Variants in XPR1 observed in about 807,000 individuals in gnomAD.
XPR1 encodes the protein solute carrier family 53 member 1.
Under a neutral mutation model 87.5 loss-of-function variants are expected in XPR1, and 28 were observed. The observed-to-expected ratio is 0.32, with a 90% CI of 0.24 to 0.44. XPR1 has a LOEUF of 0.44. Ranked by LOEUF, XPR1 falls within the 20% of genes least tolerant of loss-of-function variation. XPR1 has a pLI of 1.00. For synonymous variants in XPR1, 300 were observed against 306.1 expected, an observed-to-expected ratio of 0.98 and a Z score of 0.21; for missense variants, 559 against 862.3, an observed-to-expected ratio of 0.65 and a Z score of 4.41.
intron 2 of XPR1, among the ~76,000 whole-genome samples, chr1:180,686,774 A>T (rs549081016): frequency 6.6e-6 from 1 of 152,204 alleles, no homozygotes. Flanking sequence ...TCTTATGACA[A>T]AAGTTAATGA....
chr1:180,691,589 TTTC>T (rs745675722), intron 2 of XPR1, among the ~76,000 whole-genome samples: 3 of 152,150 alleles, frequency 2.0e-5, no homozygotes, highest in Non-Finnish European at 4.4e-5. Flanking sequence ...TTTTCTGCCA[TTTC>T]TTCTTTAGTC....
chr1:180,748,221 T>C (rs991062279), intron 2 of XPR1, among the ~76,000 whole-genome samples: 2 of 152,120 alleles, frequency 1.3e-5, no homozygotes, highest in East Asian at 3.9e-4. Flanking sequence ...AGCTGGCTTA[T>C]ACCAGCTCAC....
At chr1:180,645,653 G>A (rs1428440694) in intron 1 of XPR1, among the ~76,000 whole-genome samples, 1 of 152,246 alleles carries the variant, frequency 6.6e-6, no homozygotes, top group Admixed American at 6.5e-5. Context: ...CTCACTAAGA[G>A]AAGATGTGTG....
chr1:180,665,038 T>A (rs112642344), intron 1 of XPR1, among the ~76,000 whole-genome samples: 1 of 152,212 alleles, frequency 6.6e-6, no homozygotes. Context: ...CACACTGTTA[T>A]GAAGAAATAT....
chr1:180,848,730 G>A (rs1440466703), intron 11 of XPR1, among the ~76,000 whole-genome samples: 1 of 152,116 alleles, frequency 6.6e-6, no homozygotes, highest in Non-Finnish European at 1.5e-5. Flanking sequence ...GCAGCTTTCT[G>A]AGGAACCTCC....
At chr1:180,675,855 T>G (rs1656352859) in intron 1 of XPR1, among the ~76,000 whole-genome samples, 1 of 152,148 alleles carries the variant, frequency 6.6e-6, no homozygotes, top group African/African-American at 2.4e-5. Flanking sequence ...CTCCCTTGTT[T>G]CTGATTGAGG....
chr1:180,722,125 A>G (rs946310168), intron 2 of XPR1, among the ~76,000 whole-genome samples: 1 of 152,024 alleles, frequency 6.6e-6, no homozygotes, highest in Non-Finnish European at 1.5e-5. Flanking sequence ...AAAATTAGTC[A>G]TGTGTGGTGG....
chr1:180,770,877 C>T (rs1448017236), intron 2 of XPR1, among the ~76,000 whole-genome samples: 1 of 152,040 alleles, frequency 6.6e-6, no homozygotes, highest in Non-Finnish European at 1.5e-5. Flanking sequence ...CTCTCAACTC[C>T]CGCTTATTAT....
chr1:180,690,749 T>C (rs1325763509), intron 2 of XPR1, among the ~76,000 whole-genome samples: 1 of 151,214 alleles, frequency 6.6e-6, no homozygotes, highest in African/African-American at 2.4e-5. Context: ...CTAGTGATTA[T>C]GACTTTTTAA....
intron 14 of XPR1, among the ~76,000 whole-genome samples, chr1:180,880,855 A>G (rs1652831312): frequency 6.6e-6 from 1 of 152,188 alleles, no homozygotes; most frequent in Admixed American, 6.5e-5. Flanking sequence ...TTTATCAGTC[A>G]TTGACTACGT....
At chr1:180,677,881 T>A (rs1656420042) in intron 1 of XPR1, among the ~76,000 whole-genome samples, 1 of 152,038 alleles carries the variant, frequency 6.6e-6, no homozygotes, top group Non-Finnish European at 1.5e-5. Context: ...CAAGGTAGAG[T>A]TGGTTAGATC....
At chr1:180,826,894 C>T (rs907501913) in intron 9 of XPR1, among the ~76,000 whole-genome samples, 1 of 151,906 alleles carries the variant, frequency 6.6e-6, no homozygotes, top group African/African-American at 2.4e-5. Flanking sequence ...TGGCTCACGC[C>T]TGTCGTCCCA....
chr1:180,879,061 C>T (rs1652757479), intron 13 of XPR1, among the ~76,000 whole-genome samples: 1 of 152,192 alleles, frequency 6.6e-6, no homozygotes, highest in Non-Finnish European at 1.5e-5. Context: ...CAGGAACAGC[C>T]CTGCATCTCT....
intron 2 of XPR1, among the ~76,000 whole-genome samples, chr1:180,782,724 A>G (rs1648990860): frequency 6.6e-6 from 1 of 152,000 alleles, no homozygotes; most frequent in Non-Finnish European, 1.5e-5. Flanking sequence ...GGGCTCCCAC[A>G]TATGATTTTG....
At chr1:180,677,108 G>T (rs1291403484) in intron 1 of XPR1, among the ~76,000 whole-genome samples, 1 of 152,168 alleles carries the variant, frequency 6.6e-6, no homozygotes, top group Admixed American at 6.5e-5. Flanking sequence ...AGGTAGTACA[G>T]ATCCCACAGG....
chr1:180,863,836 A>G lies in XPR1; in HGVS notation c.1630A>G (p.Asn544Asp). 6.2e-7 allele frequency: 1 copy of G among 1,608,090 alleles called. No homozygotes were observed. The highest frequency in any genetic ancestry group is 8.5e-7 in the Non-Finnish European group (1 of 1,178,206). The change falls in exon 12 of 15, where the codon AAC (asparagine) becomes GAC (aspartate). Residue 544 changes from asparagine (N) to aspartate (D), a missense_variant. By Grantham distance (23) the Asn-to-Asp change is conservative. Transcript: ENST00000367590. ...WGLFDKNAGE[N>D]TFLREEIVYP... is the part of the protein sequence containing the mutation. ...TCTCTTCGATAAGAATGCTGGAGAGAACACTTTCCTCCGGGAAGAGATTGT... is the reference window on the plus strand; with the variant it reads ...TCTCTTCGATAAGAATGCTGGAGAGGACACTTTCCTCCGGGAAGAGATTGT...
chr1:180,880,177 A>G lies in XPR1; in HGVS notation c.1910A>G (p.Asp637Gly). 7 of 1,614,214 alleles carry G rather than the reference A, an allele frequency of 4.3e-6. No homozygotes were observed. The highest frequency in any genetic ancestry group is 5.9e-6 in the Non-Finnish European group (7 of 1,180,036). Residue 637 changes from aspartate (D) to glycine (G), a missense_variant, in exon 14 of 15, where the codon GAT becomes GGT. Physicochemically the swap from Asp to Gly is moderately conservative, Grantham distance 94. This residue lies in a region of XPR1 where 80 missense variants were observed against 99.5 expected (regional missense o/e 0.80). Transcript: ENST00000367590. Reference sequence around the variant, plus strand: ...ATCTCTGTGGCCCCCCTGAACGCAGATGATCAGACTCTCCTAGAACAGATG... The same window carrying G: ...ATCTCTGTGGCCCCCCTGAACGCAGGTGATCAGACTCTCCTAGAACAGATG... ...RDISVAPLNA[D>G]DQTLLEQMMD...
chr1:180,860,691 G>A (rs74133645), intron 11 of XPR1, among the ~76,000 whole-genome samples: 2,543 of 152,040 alleles, frequency 0.017, 71 homozygotes, highest in African/African-American at 0.057. Context: ...GGTTGTCCGT[G>A]GGGCTACAAT....
At chr1:180,880,778 A>G (rs1652828665) in intron 14 of XPR1, among the ~76,000 whole-genome samples, 1 of 152,224 alleles carries the variant, frequency 6.6e-6, no homozygotes, top group Non-Finnish European at 1.5e-5. Flanking sequence ...GTTCCCTCAC[A>G]GAAAGAGCCT....
Sources: gnomAD v4.1 joint callset for allele counts (sites outside exome capture counted in the v4.1 genomes callset) on GRCh38, gnomAD v4.1.1 for gene constraint, gnomAD v4.1.1 regional missense constraint, MANE v1.5 for transcripts, NCBI Gene and HGNC (gene_info 2026-07-23, HGNC 2026-07-21) for gene names.